GLT1D1: variants seen among roughly 807,000 people sequenced by gnomAD.
The protein encoded by GLT1D1 is glycosyltransferase 1 domain containing 1.
A neutral mutation model predicts 28.7 loss-of-function variants in GLT1D1; 21 were observed. The observed-to-expected ratio is 0.73, with a 90% CI of 0.52 to 1.05. The LOEUF (loss-of-function observed/expected upper bound fraction) is 1.05. Ranked by LOEUF, GLT1D1 falls within the 50% of genes least tolerant of loss-of-function variation. GLT1D1 has a pLI of 0.00. For missense variants in GLT1D1, 343 were observed against 330.6 expected (o/e 1.04, Z -0.29); for synonymous variants, 147 against 124.8 (o/e 1.18, Z -1.19).
intron 1 of GLT1D1, among the ~76,000 whole-genome samples, chr12:128,860,231 C>T (rs563515129): frequency 2.6e-5 from 4 of 152,312 alleles, no homozygotes; most frequent in South Asian, 2.1e-4. Context: ...GAGGCCGAGG[C>T]GGGCAGATCA....
At chr12:128,920,064 A>AC (rs1336841085) in intron 4 of GLT1D1, among the ~76,000 whole-genome samples, 2 of 150,908 alleles carry the variant, frequency 1.3e-5, no homozygotes, top group Non-Finnish European at 2.9e-5. Flanking sequence ...AATTTGCCTA[A>AC]CTCAGATTGT....
intron 2 of GLT1D1, among the ~76,000 whole-genome samples, chr12:128,879,542 G>A (rs926592166): frequency 1.3e-5 from 2 of 151,242 alleles, no homozygotes; most frequent in Non-Finnish European, 2.9e-5. Flanking sequence ...TGCAGCCTCT[G>A]CCTAGCAGGC....
intron 7 of GLT1D1, among the ~76,000 whole-genome samples, chr12:128,969,029 T>C (rs1878764101): frequency 2.0e-5 from 3 of 151,952 alleles, no homozygotes; most frequent in Admixed American, 2.0e-4. Flanking sequence ...CTGTAGCTCC[T>C]CTCTCCCTCT....
chr12:128,973,808 C>T (rs1879474192), intron 7 of GLT1D1, among the ~76,000 whole-genome samples: 2 of 151,930 alleles, frequency 1.3e-5, no homozygotes, highest in South Asian at 4.2e-4. Context: ...GGAAAGTGAG[C>T]GAATGAGAAG....
chr12:128,870,956 A>C (rs974825235), intron 1 of GLT1D1, among the ~76,000 whole-genome samples: 5 of 152,172 alleles, frequency 3.3e-5, no homozygotes, highest in Non-Finnish European at 5.9e-5. Flanking sequence ...ATGCCACTGC[A>C]CTCCAGCCTG....
At chr12:128,856,953 G>T (rs184311607) in intron 1 of GLT1D1, among the ~76,000 whole-genome samples, 1 of 152,246 alleles carries the variant, frequency 6.6e-6, no homozygotes, top group Non-Finnish European at 1.5e-5. Context: ...AGACAGAGAA[G>T]ACTCCGTTTC....
In GLT1D1 at chr12:128,853,628, C is replaced by A. The variant is rs756124863; in HGVS notation, c.47C>A (p.Ala16Glu). The stretch of plus-strand genomic sequence containing the variant: ...GTGCTGCGGCCACACACCGGCAACG[C>A]GGTCACGGCCCAGCGCGTTCGGTAG... Residue 16 changes from alanine (A) to glutamate (E), a missense_variant, in exon 1 of 8, where the codon GCG (alanine) becomes GAG (glutamate). Physicochemically the swap from Ala to Glu is moderately radical, Grantham distance 107. Transcript: ENST00000281703. 8.5e-7 allele frequency: 1 copy of A among 1,178,210 alleles called. No homozygotes were observed. The allele number at this position is 1,178,210 out of a possible 1,614,324, so 73.0% of individuals were successfully genotyped here. A position where few individuals can be genotyped will look rare whatever the true frequency, so the allele number is the denominator to read the frequency against.
chr12:128,904,918 G>A (rs1870689241), intron 4 of GLT1D1, among the ~76,000 whole-genome samples: 1 of 152,036 alleles, frequency 6.6e-6, no homozygotes, highest in African/African-American at 2.4e-5. Flanking sequence ...ACAGGTGACT[G>A]CCACTATGCC....
intron 4 of GLT1D1, among the ~76,000 whole-genome samples, chr12:128,900,078 G>T (rs1266169188): frequency 6.6e-6 from 1 of 152,140 alleles, no homozygotes; most frequent in Non-Finnish European, 1.5e-5. Context: ...TGTATGAGCT[G>T]GTGGGAACTT....
chr12:128,914,997 A>G lies in GLT1D1; in HGVS notation c.375+15710A>G. On this transcript the variant is annotated intron_variant, in intron 4 of 7. Coordinates refer to ENST00000281703, the MANE Select transcript of GLT1D1 (RefSeq NM_144669.3). ...CCTTTCTTCAACGCTCTGGTGAGAC[A>G]TGAGATCTTCTTAGAGGATTTTGAT... 6.5e-7 allele frequency: 1 copy of G among 1,533,306 alleles called. No homozygotes were observed. Among genetic ancestry groups the G allele is most frequent in the Non-Finnish European group, 8.7e-7 (1 of 1,144,394 alleles). The allele number at this position is 1,533,306 out of a possible 1,614,324, so 95.0% of individuals were successfully genotyped here. A position where few individuals can be genotyped will look rare whatever the true frequency, so the allele number is the denominator to read the frequency against.
chr12:128,890,113 C>T (rs1382367630), intron 3 of GLT1D1, among the ~76,000 whole-genome samples: 1 of 152,196 alleles, frequency 6.6e-6, no homozygotes, highest in Non-Finnish European at 1.5e-5. Flanking sequence ...AAATTCCAGG[C>T]AACTTCAGTC....
intron 4 of GLT1D1, among the ~76,000 whole-genome samples, chr12:128,928,019 A>AC (rs1435415113): frequency 3.3e-5 from 5 of 150,118 alleles, no homozygotes; most frequent in South Asian, 2.1e-4. Context: ...AAAAAAAAAA[A>AC]AAAAAACAAA....
In GLT1D1 at chr12:128,909,650, G is replaced by A. The variant is rs570967798; in HGVS notation, c.375+10363G>A. 3.3e-5 allele frequency among the ~76,000 whole-genome samples: 5 copies of A among 152,320 alleles called. No individual in the cohort carries two copies. The East Asian group carries it at 7.7e-4, about 23-fold the overall frequency. Reference sequence around the variant, plus strand: ...ATTTGCAGAAAGTTTAATTTTAGAAGGTGAATCTCTGGCTTATGTTTAGTC... The same window carrying A: ...ATTTGCAGAAAGTTTAATTTTAGAAAGTGAATCTCTGGCTTATGTTTAGTC... On this transcript the variant is annotated intron_variant, in intron 4 of 7. Transcript: ENST00000281703.
At chr12:128,950,518 C>T (rs956027974) in intron 6 of GLT1D1, among the ~76,000 whole-genome samples, 3 of 152,178 alleles carry the variant, frequency 2.0e-5, no homozygotes, top group Non-Finnish European at 4.4e-5. Context: ...GACCTCTCTG[C>T]AAGAAAATCT....
chr12:128,878,432 G>A (rs1390477767), intron 2 of GLT1D1, among the ~76,000 whole-genome samples: 5 of 152,104 alleles, frequency 3.3e-5, no homozygotes, highest in Non-Finnish European at 4.4e-5. Context: ...TAGAATGCTT[G>A]TCTCTGTACA....
At chr12:128,972,678 C>G (rs1022105583) in intron 7 of GLT1D1, among the ~76,000 whole-genome samples, 1 of 152,152 alleles carries the variant, frequency 6.6e-6, no homozygotes, top group Non-Finnish European at 1.5e-5. Flanking sequence ...CTTATCAGCC[C>G]CATTTCCTAG....
intron 1 of GLT1D1, among the ~76,000 whole-genome samples, chr12:128,872,977 C>G (rs1956736969): frequency 6.6e-6 from 1 of 152,054 alleles, no homozygotes; most frequent in Non-Finnish European, 1.5e-5. Flanking sequence ...CTCACTGCAG[C>G]CTTGAATTCC....
chr12:128,982,931 G>GTA lies in GLT1D1; in HGVS notation c.643_644insAT (p.Phe215TyrfsTer15). On this transcript the variant is annotated frameshift_variant, in exon 8 of 8. Transcript: ENST00000281703. LOFTEE classifies it low-confidence loss of function (END_TRUNC). Reference sequence around the variant, plus strand: ...TACTTCTCCTTCCTTTTTTGCAGGAGTTTGTTCATCTGGCAAAGAGACTGG... The same window carrying GTA: ...TACTTCTCCTTCCTTTTTTGCAGGAGTATTTGTTCATCTGGCAAAGAGACTGG... 1 of 1,611,502 alleles carries GTA rather than the reference G, an allele frequency of 6.2e-7. No homozygotes were observed. The highest frequency in any genetic ancestry group is 8.5e-7 in the Non-Finnish European group (1 of 1,179,202).
chr12:128,947,554 T>C, intron 6 of GLT1D1, 96 bp downstream of exon 10: 1 of 1,423,258 alleles, frequency 7.0e-7, no homozygotes, highest in Non-Finnish European at 9.9e-7. Context: ...AATAACATTC[T>C]GCACTTCTCA....
Sources: allele counts gnomAD v4.1 joint callset (sites outside exome capture counted in the v4.1 genomes callset), GRCh38; gene constraint gnomAD v4.1.1; transcripts MANE v1.5; gene names NCBI Gene and HGNC (gene_info 2026-07-23, HGNC 2026-07-21).